Variants in CNIH2 observed in about 807,000 individuals in gnomAD.
CNIH2 encodes cornichon family AMPA receptor auxiliary protein 2, also known as protein cornichon homolog 2.
Under a neutral mutation model 22.9 loss-of-function variants are expected in CNIH2, and 8 were observed. The ratio of observed to expected loss-of-function variants is 0.35; its 90% CI spans 0.20 to 0.63. CNIH2 has a LOEUF of 0.63. Among genes scored for constraint, CNIH2 ranks in the 30% least tolerant of loss-of-function variants. CNIH2 has a pLI of 0.72. For missense variants in CNIH2, 105 were observed against 206.2 expected (o/e 0.51, Z 3.01); for synonymous variants, 74 against 78.2 (o/e 0.95, Z 0.28).
chr11:66,278,370 G>T lies in CNIH2; in HGVS notation c.-87G>T. On this transcript the variant is annotated 5_prime_UTR_variant, in exon 1 of 6. Transcript: ENST00000311445. ...CCCCGAGCCCCACGGGCCATGCCCG[G>T]CCGGCCCTAAGCGCGGGCCGGGGGG... 1 of 417,996 alleles carries T rather than the reference G, an allele frequency of 2.4e-6. No homozygotes were observed. The highest frequency in any genetic ancestry group is 3.2e-6 in the Non-Finnish European group (1 of 311,724). 25.9% of individuals were successfully genotyped at this position (417,996 alleles called of 1,614,324 possible). A position where few individuals can be genotyped will look rare whatever the true frequency, so the allele number is the denominator to read the frequency against.
intron 3 of CNIH2, 111 bp from the exon 4 acceptor site, chr11:66,282,924 C>A: frequency 7.4e-7 from 1 of 1,358,764 alleles, no homozygotes; most frequent in Non-Finnish European, 1.0e-6. Flanking sequence ...CCTTTTAATC[C>A]CCAGAGGTCA....
chr11:66,283,756 C>A lies in CNIH2; in HGVS notation c.*159C>A, dbSNP rs570157966. 33 of 740,326 alleles carry A rather than the reference C, an allele frequency of 4.5e-5. No individual in the cohort carries two copies. Among genetic ancestry groups the A allele is most frequent in the Admixed American group, 2.2e-4 (8 of 35,630 alleles). 45.9% of individuals were successfully genotyped at this position (740,326 alleles called of 1,614,324 possible). On this transcript the variant is annotated 3_prime_UTR_variant, in exon 6 of 6. Coordinates refer to ENST00000311445, the MANE Select transcript of CNIH2 (RefSeq NM_182553.3). ...AACTGCTGCTGCGGGGAACCCCCCC[C>A]ACCCCGCCTTCAGAGCCCTCCCCCT... is the stretch of plus-strand genomic sequence containing the variant.
At chr11:66,283,211 T>C in intron 4 of CNIH2, 37 bp from the exon 5 acceptor site, 1 of 1,612,990 alleles carries the variant, frequency 6.2e-7, no homozygotes, top group Non-Finnish European at 8.5e-7. Flanking sequence ...GGGGTGGGAG[T>C]CCTGATGGCA....
chr11:66,281,687 G>T (rs1436481980), intron 1 of CNIH2: 1 of 352,710 alleles, frequency 2.8e-6, no homozygotes, highest in Non-Finnish European at 5.6e-6. Flanking sequence ...GCGCTGTCAC[G>T]CCAGCCCCAT....
At chr11:66,280,604 G>A (rs2134877835) in intron 1 of CNIH2, among the ~76,000 whole-genome samples, 1 of 152,300 alleles carries the variant, frequency 6.6e-6, no homozygotes, top group East Asian at 1.9e-4. Context: ...TTTGTTCCGG[G>A]GGGCTGAGTC....
At chr11:66,280,283 C>T (rs1399135103) in intron 1 of CNIH2, among the ~76,000 whole-genome samples, 1 of 152,216 alleles carries the variant, frequency 6.6e-6, no homozygotes, top group African/African-American at 2.4e-5. Flanking sequence ...GTTCATTCAA[C>T]AGATATTGAT....
At position 66,278,918 on chromosome 11, in the gene CNIH2, C is replaced by T. The variant is rs1236217573; in HGVS notation, c.81+381C>T. Among the ~76,000 whole-genome samples the T allele has an allele frequency of 5.7e-5, 5 of 88,378 alleles. No homozygotes were observed. The East Asian group carries it at 1.5e-3, about 27-fold the overall frequency. 58.0% of individuals were successfully genotyped at this position (88,378 alleles called of 152,430 possible). ...TCGGGCAGTTTGTCTGTCTGCTGCC[C>T]CCCCCCCCCCGCCTTTGTGGGTTTT... On this transcript the variant is annotated intron_variant, in intron 1 of 5. Coordinates refer to ENST00000311445, the MANE Select transcript of CNIH2 (RefSeq NM_182553.3).
chr11:66,283,488 G>C, intron 5 of CNIH2, 82 bp from the exon 6 acceptor site: 1 of 1,609,406 alleles, frequency 6.2e-7, no homozygotes, highest in African/African-American at 1.3e-5. Flanking sequence ...TGAGGACTGA[G>C]GGCAGCCCAG....
chr11:66,281,551 TC>T (rs1565185177), intron 1 of CNIH2: 4 of 439,838 alleles, frequency 9.1e-6, no homozygotes, highest in African/African-American at 2.0e-5. Flanking sequence ...CTTCAATGCC[TC>T]CCCCCAAAAT....
chr11:66,279,307 C>T (rs1202784493), intron 1 of CNIH2, among the ~76,000 whole-genome samples: 1 of 152,032 alleles, frequency 6.6e-6, no homozygotes, highest in African/African-American at 2.4e-5. Flanking sequence ...ATCGCTTCCC[C>T]CAGGCTCCCT....
chr11:66,283,191 G>C, intron 4 of CNIH2, 44 bp downstream of exon 4: 1 of 1,613,756 alleles, frequency 6.2e-7, no homozygotes. Context: ...TGGGGAACAG[G>C]GGCAGGATGG....
In CNIH2 at chr11:66,278,427, C is replaced by A. The variant is rs770631681; in HGVS notation, c.-30C>A. 6 of 1,120,938 alleles carry A rather than the reference C, an allele frequency of 5.4e-6. No homozygotes were observed. Among genetic ancestry groups the A allele is most frequent in the Non-Finnish European group, 6.6e-6 (6 of 904,914 alleles). The allele number at this position is 1,120,938 out of a possible 1,614,324, so 69.4% of individuals were successfully genotyped here. On this transcript the variant is annotated 5_prime_UTR_variant, in exon 1 of 6. Transcript: ENST00000311445. ...CTTGCGCCCGGGCCCCGCGCTGGCG[C>A]CCCCCGGGCCGCCGCCCGGCGCGGG...
Position 66,282,787 on chromosome 11 carries a change from G to A in CNIH2, c.198+7G>A. The A allele has an allele frequency of 6.2e-7, 1 of 1,608,784 alleles. No individual in the cohort carries two copies. Among genetic ancestry groups the A allele is most frequent in the Middle Eastern group, 1.7e-4 (1 of 6,054 alleles). ...CTGCTGCCTCCTGAGGAAGGTCAGTGTCAGGGCTGGGGGCAGGAGGCTCCT... is the reference window on the plus strand; with the variant it reads ...CTGCTGCCTCCTGAGGAAGGTCAGTATCAGGGCTGGGGGCAGGAGGCTCCT... On this transcript the variant is annotated splice_region_variant and intron_variant, in intron 3 of 5. Coordinates refer to ENST00000311445, the MANE Select transcript of CNIH2 (RefSeq NM_182553.3).
In CNIH2 at chr11:66,283,094, A is replaced by C. The variant is rs780295864; in HGVS notation, c.258A>C (p.Ala86=). ...TCTGTCTGATGTTTCTGTGTGCAGC[A>C]GAGTGGGTGACCCTGGGCCTCAACA... is the stretch of plus-strand genomic sequence containing the variant. The part of the protein sequence containing the change: ...GLFCLMFLCA[A]EWVTLGLNIP... The change falls in exon 4 of 6, where the codon GCA becomes GCC. Residue 86 remains alanine, a synonymous_variant. Coordinates refer to ENST00000311445, the MANE Select transcript of CNIH2 (RefSeq NM_182553.3). 6.2e-7 allele frequency: 1 copy of C among 1,614,018 alleles called. No homozygotes were observed. Among genetic ancestry groups the C allele is most frequent in the South Asian group, 1.1e-5 (1 of 91,086 alleles).
At position 66,283,711 on chromosome 11, in the gene CNIH2, C is replaced by T; in HGVS notation, c.*114C>T. ...TGGGGAGGGAGGGGGCACTGGTGCCCCCAGCCTCTCCAACCCCCAAACTGC... is the reference window on the plus strand; with the variant it reads ...TGGGGAGGGAGGGGGCACTGGTGCCTCCAGCCTCTCCAACCCCCAAACTGC... On this transcript the variant is annotated 3_prime_UTR_variant, in exon 6 of 6. Transcript: ENST00000311445. 8.3e-7 allele frequency: 1 copy of T among 1,200,252 alleles called. No homozygotes were observed. The highest frequency in any genetic ancestry group is 1.2e-6 in the Non-Finnish European group (1 of 857,660). 74.4% of individuals were successfully genotyped at this position (1,200,252 alleles called of 1,614,324 possible).
intron 5 of CNIH2, 39 bp downstream of exon 5, chr11:66,283,430 G>A: frequency 2.5e-6 from 4 of 1,612,974 alleles, no homozygotes; most frequent in Non-Finnish European, 2.5e-6. Context: ...TCAGGGAAGG[G>A]ATGTCCCAGC....
chr11:66,282,420 G>A, intron 2 of CNIH2, 93 bp downstream of exon 2: 1 of 1,040,202 alleles, frequency 9.6e-7, no homozygotes, highest in South Asian at 1.4e-5. Flanking sequence ...GACGGGGGTG[G>A]GGTGGGGGGC....
chr11:66,282,938 TG>T (rs1857285745), intron 3 of CNIH2, 96 bp from the exon 4 acceptor site: 1 of 1,360,168 alleles, frequency 7.4e-7, no homozygotes, highest in Non-Finnish European at 1.0e-6. Flanking sequence ...GAGGTCACGG[TG>T]GGTGGGCACC....
At chr11:66,280,507 C>T (rs1412277047) in intron 1 of CNIH2, among the ~76,000 whole-genome samples, 1 of 152,186 alleles carries the variant, frequency 6.6e-6, no homozygotes, top group Non-Finnish European at 1.5e-5. Context: ...CCCCAGATCC[C>T]ACTCCAGACC....
Sources: gnomAD v4.1 joint callset for allele counts (sites outside exome capture counted in the v4.1 genomes callset) on GRCh38, gnomAD v4.1.1 for gene constraint, MANE v1.5 for transcripts, NCBI Gene and HGNC (gene_info 2026-07-23, HGNC 2026-07-21) for gene names.